Variants in LOC400499 observed in about 807,000 individuals in gnomAD.
the LOC400499 span, among the ~76,000 whole-genome samples, chr16:11,525,614 G>A: frequency 0.27 from 41,404 of 151,920 alleles, 6,033 homozygotes; most frequent in East Asian, 0.56. Flanking sequence ...GTTCTCGATT[G>A]TGCACAAGCC....
At chr16:11,425,584 C>G in the LOC400499 span, among the ~76,000 whole-genome samples, 1 of 152,166 alleles carries the variant, frequency 6.6e-6, no homozygotes, top group Non-Finnish European at 1.5e-5. Flanking sequence ...TTTGTGAAAT[C>G]CATCAGAGTA....
chr16:11,401,600 G>A, the LOC400499 span, among the ~76,000 whole-genome samples: 1 of 152,262 alleles, frequency 6.6e-6, no homozygotes, highest in Non-Finnish European at 1.5e-5. Flanking sequence ...CAGGCTTAGA[G>A]AGGAGCAGAT....
chr16:11,509,901 C>T, the LOC400499 span, among the ~76,000 whole-genome samples: 1 of 146,310 alleles, frequency 6.8e-6, no homozygotes, highest in Admixed American at 6.7e-5. Flanking sequence ...TCTGTAAGTA[C>T]ACAGAATTTG....
At chr16:11,524,739 CCCCTCCCT>C in the LOC400499 span, among the ~76,000 whole-genome samples, 31 of 151,538 alleles carry the variant, frequency 2.0e-4, no homozygotes, top group African/African-American at 7.0e-4. Context: ...AAGGCCAGCA[CCCCTCCCT>C]CCCTCCCTCC....
chr16:11,433,960 C>T, the LOC400499 span, among the ~76,000 whole-genome samples: 6 of 152,136 alleles, frequency 3.9e-5, no homozygotes, highest in African/African-American at 9.7e-5. Context: ...GAGCCATTTT[C>T]GCGAATGATC....
At chr16:11,429,014 T>A in the LOC400499 span, among the ~76,000 whole-genome samples, 1 of 152,022 alleles carries the variant, frequency 6.6e-6, no homozygotes. Context: ...ATAATGATCA[T>A]GACAGATTAC....
the LOC400499 span, chr16:11,407,292 C>T: frequency 1.3e-5 from 5 of 398,986 alleles, no homozygotes; most frequent in Non-Finnish European, 1.8e-5. Context: ...CGCTCCTCCA[C>T]GCCCAAGGCG....
the LOC400499 span, among the ~76,000 whole-genome samples, chr16:11,410,877 A>G: frequency 2.0e-5 from 3 of 152,358 alleles, no homozygotes; most frequent in Admixed American, 6.5e-5. Flanking sequence ...CAAGTCCTGC[A>G]TGCAGGGCAG....
the LOC400499 span, among the ~76,000 whole-genome samples, chr16:11,509,500 G>A: frequency 6.6e-6 from 1 of 151,922 alleles, no homozygotes; most frequent in African/African-American, 2.4e-5. Context: ...AGTGACCAAG[G>A]CAAGATGCAG....
At chr16:11,451,458 T>C in the LOC400499 span, among the ~76,000 whole-genome samples, 6 of 151,960 alleles carry the variant, frequency 3.9e-5, no homozygotes, top group African/African-American at 7.3e-5. Context: ...TGCTCACCTA[T>C]ATCCCAGCTA....
At chr16:11,489,823 T>C in the LOC400499 span, among the ~76,000 whole-genome samples, 3 of 152,140 alleles carry the variant, frequency 2.0e-5, no homozygotes, top group African/African-American at 7.2e-5. Flanking sequence ...CAACGTCACA[T>C]CAGACTTTTA....
the LOC400499 span, chr16:11,396,664 G>T: frequency 8.1e-7 from 1 of 1,232,012 alleles, no homozygotes; most frequent in Non-Finnish European, 1.0e-6. Context: ...GCTCCCCGAC[G>T]ACCAAGAGGG....
At chr16:11,476,759 C>T in the LOC400499 span, 1 of 399,556 alleles carries the variant, frequency 2.5e-6, no homozygotes, top group Non-Finnish European at 4.4e-6. Context: ...GCACTGGGCA[C>T]CCACCTGAAG....
chr16:11,475,540 A>G, the LOC400499 span: 1 of 397,566 alleles, frequency 2.5e-6, no homozygotes, highest in East Asian at 3.6e-5. Context: ...CAGGAGAGCA[A>G]CTCTGGGATC....
the LOC400499 span, among the ~76,000 whole-genome samples, chr16:11,388,507 C>T: frequency 1.3e-5 from 2 of 152,184 alleles, no homozygotes; most frequent in African/African-American, 4.8e-5. Context: ...GAAGGAGCTG[C>T]CTCCCTGCTT....
At chr16:11,380,552 C>A in the LOC400499 span, among the ~76,000 whole-genome samples, 8 of 152,132 alleles carry the variant, frequency 5.3e-5, no homozygotes, top group Non-Finnish European at 1.0e-4. Flanking sequence ...TAATAAGTGT[C>A]TTAATTTCCT....
chr16:11,380,764 C>A, the LOC400499 span: 2 of 152,196 alleles, frequency 1.3e-5, no homozygotes, highest in Non-Finnish European at 2.9e-5. Flanking sequence ...CATTGTGACA[C>A]TGTGGCTGTA....
chr16:11,459,919 C>A, the LOC400499 span: 372 of 1,470,718 alleles, frequency 2.5e-4, no homozygotes, highest in Non-Finnish European at 3.2e-4. Context: ...TTGCTCAGGG[C>A]GGGCCCCGAG....
the LOC400499 span, among the ~76,000 whole-genome samples, chr16:11,416,972 C>A: frequency 1.2e-4 from 18 of 152,224 alleles, no homozygotes; most frequent in African/African-American, 4.3e-4. Flanking sequence ...GACGGCTGTA[C>A]TGTATTGTGC....
Sources: gnomAD v4.1 joint callset for allele counts (sites outside exome capture counted in the v4.1 genomes callset) on GRCh38, gnomAD v4.1.1 for gene constraint, MANE v1.5 for transcripts.